Variants in HMCN1 observed in about 807,000 individuals in gnomAD.
HMCN1 encodes the protein hemicentin 1.
HMCN1 carries 321 observed loss-of-function variants against 625.9 expected under a neutral mutation model. The ratio of observed to expected loss-of-function variants is 0.51; its 90% CI spans 0.47 to 0.56. The LOEUF (loss-of-function observed/expected upper bound fraction) is 0.56. Ranked by LOEUF, HMCN1 falls within the 20% of genes least tolerant of loss-of-function variation. The pLI is 0.00. For missense variants in HMCN1, 6,588 were observed against 6,887.3 expected, an observed-to-expected ratio of 0.96 and a Z score of 1.54; for synonymous variants, 2,425 against 2,417.6, an observed-to-expected ratio of 1.00 and a Z score of -0.09.
At chr1:185,885,271 C>T (rs1410771670) in intron 4 of HMCN1, among the ~76,000 whole-genome samples, 1 of 151,740 alleles carries the variant, frequency 6.6e-6, no homozygotes, top group Middle Eastern at 3.2e-3. Flanking sequence ...AAAATATCTC[C>T]ACAAACTCAT....
intron 50 of HMCN1, 59 bp downstream of exon 50, chr1:186,068,066 G>A: frequency 7.0e-7 from 1 of 1,421,158 alleles, no homozygotes; most frequent in Non-Finnish European, 1.0e-6. Flanking sequence ...TTCTAGAAAA[G>A]CAGAATCATT....
chr1:185,932,366 A>G (rs1467885831), intron 10 of HMCN1, among the ~76,000 whole-genome samples: 1 of 152,200 alleles, frequency 6.6e-6, no homozygotes, highest in Non-Finnish European at 1.5e-5. Flanking sequence ...TTCTAGGCTT[A>G]TGATATTAAT....
At chr1:186,107,658 A>G (rs1660672165) in intron 70 of HMCN1, among the ~76,000 whole-genome samples, 1 of 151,476 alleles carries the variant, frequency 6.6e-6, no homozygotes. Context: ...GGCTATTTCT[A>G]TATTTTTACC....
At chr1:185,861,214 C>T (rs1662846517) in intron 2 of HMCN1, among the ~76,000 whole-genome samples, 1 of 152,182 alleles carries the variant, frequency 6.6e-6, no homozygotes, top group Non-Finnish European at 1.5e-5. Context: ...CAGAGAGGAT[C>T]TCTCACTCAA....
At chr1:185,864,872 T>G (rs149540580) in intron 3 of HMCN1, among the ~76,000 whole-genome samples, 1 of 152,236 alleles carries the variant, frequency 6.6e-6, no homozygotes, top group Non-Finnish European at 1.5e-5. Flanking sequence ...TTAATTAAGG[T>G]ACTTGTTATC....
chr1:185,913,275 C>G (rs1395039188), intron 6 of HMCN1, among the ~76,000 whole-genome samples: 3 of 152,062 alleles, frequency 2.0e-5, no homozygotes, highest in African/African-American at 7.2e-5. Context: ...TTTTTCCACC[C>G]AGTTCCTTGC....
intron 1 of HMCN1, among the ~76,000 whole-genome samples, chr1:185,757,176 T>C (rs936469648): frequency 1.3e-5 from 2 of 152,192 alleles, no homozygotes; most frequent in African/African-American, 4.8e-5. Context: ...TTTCACCTTG[T>C]TGACCACGCT....
intron 105 of HMCN1, among the ~76,000 whole-genome samples, chr1:186,186,315 T>C (rs1653298657): frequency 6.6e-6 from 1 of 152,076 alleles, no homozygotes; most frequent in African/African-American, 2.4e-5. Flanking sequence ...TCACCAAAGG[T>C]CAGGGGTTCA....
chr1:185,847,132 G>GT (rs142952038), intron 2 of HMCN1, among the ~76,000 whole-genome samples: 40,171 of 149,678 alleles, frequency 0.27, 5,555 homozygotes, highest in Non-Finnish European at 0.3. Context: ...CTAGCTTAGA[G>GT]TTTTTTTTTT....
intron 1 of HMCN1, among the ~76,000 whole-genome samples, chr1:185,838,977 A>G (rs1391996293): frequency 6.6e-6 from 1 of 152,248 alleles, no homozygotes; most frequent in East Asian, 1.9e-4. Context: ...TTTTGTGAAT[A>G]AAATGTTTGC....
intron 97 of HMCN1, among the ~76,000 whole-genome samples, chr1:186,160,939 A>T (rs891902663): frequency 1.3e-5 from 2 of 151,650 alleles, no homozygotes; most frequent in Non-Finnish European, 2.9e-5. Flanking sequence ...TATTAGGTCC[A>T]CTTGGTGCAG....
chr1:185,793,139 G>A (rs1017217068), intron 1 of HMCN1, among the ~76,000 whole-genome samples: 14 of 152,228 alleles, frequency 9.2e-5, no homozygotes, highest in African/African-American at 3.4e-4. Flanking sequence ...TGACATAGTG[G>A]TACTATATTA....
At chr1:186,152,692 C>T in intron 95 of HMCN1, 58 bp from the exon 96 acceptor site, 1 of 1,609,062 alleles carries the variant, frequency 6.2e-7, no homozygotes, top group Non-Finnish European at 8.5e-7. Flanking sequence ...TAAATCTGCT[C>T]TGTGCTTACA....
chr1:186,108,369 A>G, intron 70 of HMCN1, 92 bp from the exon 71 acceptor site: 1 of 1,569,702 alleles, frequency 6.4e-7, no homozygotes, highest in Non-Finnish European at 8.7e-7. Flanking sequence ...TTTTAATTTT[A>G]TGCCTCTTAT....
Position 185,865,628 on chromosome 1 carries a change from CACAT to C in HMCN1, c.499-112_499-109del, listed in dbSNP as rs1330120912. 253 of 689,018 alleles carry C rather than the reference CACAT, an allele frequency of 3.7e-4. 2 individuals carry two copies. Among genetic ancestry groups the C allele is most frequent in the Admixed American group, 4.9e-4 (22 of 44,832 alleles). 42.7% of individuals were successfully genotyped at this position (689,018 alleles called of 1,614,324 possible). On this transcript the variant is annotated intron_variant, in intron 3 of 106. Transcript: ENST00000271588. The stretch of plus-strand genomic sequence containing the variant: ...ACACACACACACACACACACACACA[CACAT>C]TCACATATTCTACTTGCCCAGTAAT...
At chr1:185,898,669 G>A (rs1265001228) in intron 4 of HMCN1, among the ~76,000 whole-genome samples, 6 of 152,094 alleles carry the variant, frequency 3.9e-5, no homozygotes, top group Non-Finnish European at 2.9e-5. Flanking sequence ...CCAGAAGCAA[G>A]TATTCTGATG....
intron 52 of HMCN1, among the ~76,000 whole-genome samples, chr1:186,074,268 A>C (rs1324098163): frequency 1.3e-5 from 2 of 152,024 alleles, no homozygotes; most frequent in Admixed American, 6.6e-5. Flanking sequence ...AAAATTTTTT[A>C]TTTATAAAGT....
At chr1:185,924,452 A>T (rs2102479505) in intron 8 of HMCN1, among the ~76,000 whole-genome samples, 2 of 152,090 alleles carry the variant, frequency 1.3e-5, no homozygotes, top group African/African-American at 4.8e-5. Context: ...TATTAGTGCT[A>T]TTAGGTGGAG....
At chr1:186,010,192 T>C (rs1653905287) in intron 30 of HMCN1, among the ~76,000 whole-genome samples, 1 of 152,080 alleles carries the variant, frequency 6.6e-6, no homozygotes, top group Admixed American at 6.5e-5. Context: ...TGTGTGTCTG[T>C]GTCTGTGTGT....
Sources: gnomAD v4.1 joint callset for allele counts (sites outside exome capture counted in the v4.1 genomes callset) on GRCh38, gnomAD v4.1.1 for gene constraint, MANE v1.5 for transcripts, NCBI Gene and HGNC (gene_info 2026-07-23, HGNC 2026-07-21) for gene names.